BRI3: variants seen among roughly 807,000 people sequenced by gnomAD.
BRI3 encodes membrane protein BRI3.
A neutral mutation model predicts 12.8 loss-of-function variants in BRI3; 6 were observed. The observed-to-expected ratio is 0.47, with a 90% CI of 0.26 to 0.93. The LOEUF (loss-of-function observed/expected upper bound fraction) is 0.93. Among genes scored for constraint, BRI3 ranks in the 40% least tolerant of loss-of-function variants. The pLI is 0.15. For missense variants in BRI3, 134 were observed against 171.1 expected (o/e 0.78, Z 1.21); for synonymous variants, 91 against 76.1 (o/e 1.20, Z -1.02).
At chr7:98,292,612 T>C, downstream of BRI3, 3 of 1,551,058 alleles carry the variant, frequency 1.9e-6, no homozygotes, top group Non-Finnish European at 2.6e-6. Flanking sequence ...TCATGGCTGC[T>C]AGGCTGAAAA....
chr7:98,306,781 CA>C, intron 1 of BRI3: 1 of 460,574 alleles, frequency 2.2e-6, no homozygotes, highest in East Asian at 4.5e-5. Context: ...GATCATAGCT[CA>C]CAGCAGCCTC....
rs1315610531 is a variant in BRI3, at chr7:98,290,321, G to A, written c.246-790G>A. Among the ~76,000 whole-genome samples the A allele has an allele frequency of 3.4e-5, 5 of 148,960 alleles. No individual in the cohort carries two copies. The East Asian group carries it at 1.0e-3, about 30-fold the overall frequency. ...CGCCATTCTCCTGCCTCAGCCTCCT[G>A]AGTAGCTGGGACTACAGGCGCCCGC... On this transcript the variant is annotated intron_variant, in intron 2 of 2. Transcript: ENST00000297290.
the BRI3 span, among the ~76,000 whole-genome samples, chr7:98,321,489 G>A: frequency 6.6e-5 from 10 of 152,272 alleles, no homozygotes; most frequent in Middle Eastern, 3.4e-3. Context: ...TGATGGGCAG[G>A]ATGCTCCAGG....
In BRI3 at chr7:98,284,976, G is replaced by A. The variant is rs185785640; in HGVS notation, c.245+2523G>A. ...GTGTGGTTGTACCTAGGTGCAGGAT[G>A]AGGTAGCTGCGCTGGGAGGCTCTCC... On this transcript the variant is annotated intron_variant, in intron 2 of 2. Coordinates refer to ENST00000297290, the MANE Select transcript of BRI3 (RefSeq NM_015379.5). Among the ~76,000 whole-genome samples the A allele has an allele frequency of 4.1e-4, 63 of 152,326 alleles. 1 individual carries two copies. In the East Asian group the frequency reaches 0.012, roughly 29 times the overall value.
chr7:98,294,256 G>T, downstream of BRI3: 1 of 768,696 alleles, frequency 1.3e-6, no homozygotes, highest in Non-Finnish European at 2.1e-6. Flanking sequence ...GCCTCCTAAT[G>T]TGCTGGGACT....
chr7:98,294,200 C>T, downstream of BRI3: 1 of 1,434,274 alleles, frequency 7.0e-7, no homozygotes, highest in Non-Finnish European at 9.7e-7. Flanking sequence ...GCTATGTTGC[C>T]CAGGCTGGTT....
downstream of BRI3, among the ~76,000 whole-genome samples, chr7:98,311,077 A>T (rs1337457555): frequency 8.5e-5 from 13 of 152,202 alleles, no homozygotes; most frequent in Admixed American, 8.5e-4. Flanking sequence ...CCAGGTTCAA[A>T]GATCAGCAAA....
exon 2 of BRI3, chr7:98,307,851 G>A (rs745321866): frequency 2.5e-6 from 4 of 1,614,208 alleles, no homozygotes; most frequent in South Asian, 2.2e-5. Context: ...GTTCAGTCCC[G>A]TTGCAACCGA....
intron 1 of BRI3, 115 bp downstream of exon 1, chr7:98,282,052 G>C: frequency 7.7e-7 from 1 of 1,304,222 alleles, no homozygotes; most frequent in Non-Finnish European, 9.8e-7. Flanking sequence ...GGAGCTGGAG[G>C]TCCCCGGGCT....
downstream of BRI3, among the ~76,000 whole-genome samples, chr7:98,295,292 C>A (rs78487846): frequency 4.3e-3 from 648 of 152,278 alleles, 16 homozygotes; most frequent in Admixed American, 0.036. Flanking sequence ...TGAGACCTGT[C>A]CCACCCTCCC....
downstream of BRI3, among the ~76,000 whole-genome samples, chr7:98,297,588 C>G (rs1562962897): frequency 6.6e-6 from 1 of 152,200 alleles, no homozygotes; most frequent in East Asian, 1.9e-4. Context: ...GTGTGAAAAC[C>G]CATTCCAGTC....
chr7:98,306,080 A>T (rs1392351751), upstream of BRI3, among the ~76,000 whole-genome samples: 1 of 152,176 alleles, frequency 6.6e-6, no homozygotes, highest in African/African-American at 2.4e-5. Context: ...TTCCAGAAAA[A>T]GCATACAACA....
chr7:98,323,194 T>C, the BRI3 span: 152,264 of 152,316 alleles, frequency 1, 76,106 homozygotes, highest in Non-Finnish European at 1. Context: ...TCACAAAAGC[T>C]GCCTTCACAC....
At chr7:98,298,825 CG>C (rs1448809366) in intron 1 of BRI3, among the ~76,000 whole-genome samples, 5 of 151,596 alleles carry the variant, frequency 3.3e-5, no homozygotes, top group Non-Finnish European at 7.4e-5. Context: ...CAGAGGCCCC[CG>C]GGGCTTTCAG....
chr7:98,292,784 C>T (rs780882495), downstream of BRI3: 28 of 1,544,934 alleles, frequency 1.8e-5, no homozygotes, highest in African/African-American at 4.1e-5. Flanking sequence ...CACAAGGAGC[C>T]GTGACTCCGA....
upstream of BRI3, among the ~76,000 whole-genome samples, chr7:98,302,170 C>A (rs530797204): frequency 6.6e-6 from 1 of 152,236 alleles, no homozygotes; most frequent in Non-Finnish European, 1.5e-5. Context: ...CTGATACTTA[C>A]AACCAGGCTT....
chr7:98,314,773 G>T (rs377587180), downstream of BRI3, among the ~76,000 whole-genome samples: 1 of 152,158 alleles, frequency 6.6e-6, no homozygotes, highest in Non-Finnish European at 1.5e-5. Context: ...TCGCCCAGGT[G>T]GGGTAGACCT....
At chr7:98,292,732 A>G (rs549696845), downstream of BRI3, 1 of 1,551,540 alleles carries the variant, frequency 6.4e-7, no homozygotes, top group South Asian at 1.2e-5. Flanking sequence ...GTTTGAGTGT[A>G]CTGGTAATGG....
intron 2 of BRI3, 110 bp from the exon 3 acceptor site, chr7:98,291,001 C>T: frequency 7.9e-7 from 1 of 1,269,016 alleles, no homozygotes; most frequent in Non-Finnish European, 1.1e-6. Context: ...CAGAGGTCCC[C>T]ATGTGACTCA....
Sources: gnomAD v4.1 joint callset for allele counts (sites outside exome capture counted in the v4.1 genomes callset) on GRCh38, gnomAD v4.1.1 for gene constraint, MANE v1.5 for transcripts, NCBI Gene and HGNC (gene_info 2026-07-23, HGNC 2026-07-21) for gene names.